The following CACNA2D1 variants were observed in gnomAD, a reference collection of about 807,000 sequenced individuals.
CACNA2D1 encodes the protein calcium voltage-gated channel auxiliary subunit alpha2delta 1, also known as voltage-dependent calcium channel subunit alpha-2/delta-1.
Under a neutral mutation model 171.5 loss-of-function variants are expected in CACNA2D1, and 53 were observed. The ratio of observed to expected loss-of-function variants is 0.31; its 90% CI spans 0.25 to 0.39. The LOEUF is 0.39. Ranked by LOEUF, CACNA2D1 falls within the 10% of genes least tolerant of loss-of-function variation. The pLI, the probability that CACNA2D1 is intolerant of heterozygous loss-of-function variation, is 1.00. For synonymous variants in CACNA2D1, 442 were observed against 443.1 expected (o/e 1.00, Z 0.03); for missense variants, 903 against 1,299.8 (o/e 0.69, Z 4.69).
intron 3 of CACNA2D1, among the ~76,000 whole-genome samples, chr7:82,194,406 C>A (rs1334608345): frequency 6.6e-6 from 1 of 151,900 alleles, no homozygotes; most frequent in East Asian, 1.9e-4. Flanking sequence ...AAAAACAAAA[C>A]AAAAAAGTTT....
intron 27 of CACNA2D1, among the ~76,000 whole-genome samples, chr7:81,970,436 G>A (rs772251440): frequency 3.3e-5 from 5 of 151,522 alleles, no homozygotes; most frequent in East Asian, 3.9e-4. Flanking sequence ...CTCTTTAAAC[G>A]TCTCTTAAAT....
At chr7:82,331,313 A>G (rs953938997) in intron 3 of CACNA2D1, among the ~76,000 whole-genome samples, 5 of 152,162 alleles carry the variant, frequency 3.3e-5, no homozygotes, top group African/African-American at 1.2e-4. Context: ...TACCTATAAA[A>G]TTACATTAGT....
chr7:82,258,811 A>AT (rs1563270282), intron 3 of CACNA2D1, among the ~76,000 whole-genome samples: 1 of 68,796 alleles, frequency 1.5e-5, no homozygotes, highest in African/African-American at 6.3e-5. Flanking sequence ...TTTCTTTCTT[A>AT]CTTTTCTTTT....
chr7:82,164,443 ATTGG>A (rs68143612), intron 4 of CACNA2D1, among the ~76,000 whole-genome samples: 42,568 of 151,688 alleles, frequency 0.28, 5,998 homozygotes, highest in Middle Eastern at 0.36. Flanking sequence ...AAAATCTAAC[ATTGG>A]TTGATCAAAA....
chr7:82,009,400 A>G (rs1230695102), intron 15 of CACNA2D1: 1 of 152,168 alleles, frequency 6.6e-6, no homozygotes, highest in East Asian at 1.9e-4. Context: ...TAGACAATGA[A>G]ACATCCTTAA....
At chr7:82,193,899 A>G (rs1290126260) in intron 3 of CACNA2D1, among the ~76,000 whole-genome samples, 2 of 151,950 alleles carry the variant, frequency 1.3e-5, no homozygotes, top group Non-Finnish European at 2.9e-5. Flanking sequence ...CATTCCCTTT[A>G]TCTATTATGC....
At chr7:82,415,348 A>G (rs918637873) in intron 1 of CACNA2D1, among the ~76,000 whole-genome samples, 4 of 152,142 alleles carry the variant, frequency 2.6e-5, no homozygotes, top group Non-Finnish European at 5.9e-5. Flanking sequence ...AGCCTGGCCA[A>G]CATGATGAAA....
At position 82,286,802 on chromosome 7, in the gene CACNA2D1, A is replaced by C. The variant is rs1285713760; in HGVS notation, c.294+48333T>G. Among the ~76,000 whole-genome samples the C allele has an allele frequency of 2.0e-5, 3 of 152,138 alleles. No individual in the cohort carries two copies. The East Asian group carries it at 5.8e-4, about 29-fold the overall frequency. Reference sequence around the variant, plus strand: ...ATCACCAATTGGTTTTTGCTTCTTTAGCCAAGTTACTTTGTCCCCATGCCT... The same window carrying C: ...ATCACCAATTGGTTTTTGCTTCTTTCGCCAAGTTACTTTGTCCCCATGCCT... On this transcript the variant is annotated intron_variant, in intron 3 of 38. Transcript: ENST00000356860.
intron 3 of CACNA2D1, among the ~76,000 whole-genome samples, chr7:82,287,147 C>T (rs558861233): frequency 6.6e-6 from 1 of 152,206 alleles, no homozygotes; most frequent in Admixed American, 6.5e-5. Flanking sequence ...TATTATTTTT[C>T]CTTTTCCTGT....
intron 3 of CACNA2D1, among the ~76,000 whole-genome samples, chr7:82,274,945 A>C (rs1809130378): frequency 6.6e-6 from 1 of 152,234 alleles, no homozygotes; most frequent in South Asian, 2.1e-4. Context: ...TTAAAGGAAT[A>C]AAATAAAACA....
chr7:82,151,964 A>G (rs1165232187), intron 4 of CACNA2D1, among the ~76,000 whole-genome samples: 2 of 152,090 alleles, frequency 1.3e-5, no homozygotes, highest in Non-Finnish European at 2.9e-5. Context: ...AACATGTTGT[A>G]TATTTTTGTC....
At chr7:82,148,904 T>C (rs1280739354) in intron 4 of CACNA2D1, among the ~76,000 whole-genome samples, 1 of 152,226 alleles carries the variant, frequency 6.6e-6, no homozygotes, top group East Asian at 1.9e-4. Flanking sequence ...CCCAAAATGT[T>C]GGGATTACAG....
At chr7:82,130,791 CTTTTTTT>C (rs71093363) in intron 5 of CACNA2D1, among the ~76,000 whole-genome samples, 100 of 105,854 alleles carry the variant, frequency 9.4e-4, no homozygotes, top group East Asian at 9.0e-3. Flanking sequence ...TTGTTTTTGT[CTTTTTTT>C]TTTTTTTTTT....
chr7:82,284,655 T>A (rs1810529680), intron 3 of CACNA2D1, among the ~76,000 whole-genome samples: 1 of 152,072 alleles, frequency 6.6e-6, no homozygotes, highest in South Asian at 2.1e-4. Context: ...AGGTAAACTC[T>A]CTCCTTCAAG....
chr7:82,108,352 A>C (rs1787986063), intron 6 of CACNA2D1, among the ~76,000 whole-genome samples: 1 of 152,168 alleles, frequency 6.6e-6, no homozygotes. Context: ...TCATATCTGC[A>C]TGTACTCAAT....
In CACNA2D1 at chr7:82,276,805, G is replaced by A. The variant is rs368488341; in HGVS notation, c.294+58330C>T. Among the ~76,000 whole-genome samples, 27 of 149,270 alleles carry A rather than the reference G, an allele frequency of 1.8e-4. No individual in the cohort carries two copies. In the East Asian group the frequency reaches 3.0e-3, roughly 16 times the overall value. On this transcript the variant is annotated intron_variant, in intron 3 of 38. Coordinates refer to ENST00000356860, the MANE Select transcript of CACNA2D1 (RefSeq NM_000722.4). ...CATTCTGTCGCCAGGCTTTAGTGCAGTGGTGCAATCTCGGCTCACTGCAAC... is the reference window on the plus strand; with the variant it reads ...CATTCTGTCGCCAGGCTTTAGTGCAATGGTGCAATCTCGGCTCACTGCAAC...
chr7:82,223,468 T>G (rs2129257822), intron 3 of CACNA2D1, among the ~76,000 whole-genome samples: 1 of 152,310 alleles, frequency 6.6e-6, no homozygotes. Flanking sequence ...TACAGGTAAT[T>G]TTCTTTTCTC....
At chr7:82,441,296 G>C (rs1830488275) in intron 1 of CACNA2D1, among the ~76,000 whole-genome samples, 1 of 152,054 alleles carries the variant, frequency 6.6e-6, no homozygotes, top group Non-Finnish European at 1.5e-5. Flanking sequence ...AAAAACTGAA[G>C]ATGCAGAAGG....
rs1028362419 is a variant in CACNA2D1, at chr7:82,117,057, G to A, written c.513C>T (p.Asp171=). ...YQHAAVHIPT[D]IYEGSTIVLN... ...TCTTTTACTTACAGCCCTCATAGAT[G>A]TCAGTAGGAATATGGACTGCTGCGT... Residue 171 remains aspartate, a synonymous_variant, in exon 6 of 39, where the codon GAC becomes GAT. Transcript: ENST00000356860. 6.2e-7 allele frequency: 1 copy of A among 1,613,722 alleles called. No individual in the cohort carries two copies. The highest frequency in any genetic ancestry group is 1.7e-5 in the Admixed American group (1 of 59,974).
Sources: gnomAD v4.1 joint callset for allele counts (sites outside exome capture counted in the v4.1 genomes callset) on GRCh38, gnomAD v4.1.1 for gene constraint, MANE v1.5 for transcripts, NCBI Gene and HGNC (gene_info 2026-07-23, HGNC 2026-07-21) for gene names.